ZBTB16: variants seen among roughly 807,000 people sequenced by gnomAD.
ZBTB16 encodes zinc finger and BTB domain containing 16, also known as zinc finger and BTB domain-containing protein 16.
In ZBTB16, 8 loss-of-function variants were observed where a neutral mutation model predicts 56.8. That is an observed-to-expected ratio of 0.14 (90% CI 0.08 to 0.25). The LOEUF (loss-of-function observed/expected upper bound fraction) is 0.25. Among genes scored for constraint, ZBTB16 ranks in the 10% least tolerant of loss-of-function variants. The pLI is 1.00. For synonymous variants in ZBTB16, 363 were observed against 368.5 expected (o/e 0.98, Z 0.17); for missense variants, 625 against 903.0 (o/e 0.69, Z 3.95).
intron 2 of ZBTB16, among the ~76,000 whole-genome samples, chr11:114,137,919 G>A (rs1941838697): frequency 6.6e-6 from 1 of 152,182 alleles, no homozygotes; most frequent in African/African-American, 2.4e-5. Context: ...AGTGTGGCCA[G>A]CCCCATGCTG....
chr11:114,236,921 T>C (rs984730427), intron 4 of ZBTB16, among the ~76,000 whole-genome samples: 1 of 152,224 alleles, frequency 6.6e-6, no homozygotes, highest in Non-Finnish European at 1.5e-5. Flanking sequence ...GAAGATGGTG[T>C]TGTTGGCACT....
At chr11:114,100,039 A>G (rs1291827004) in intron 2 of ZBTB16, among the ~76,000 whole-genome samples, 1 of 152,206 alleles carries the variant, frequency 6.6e-6, no homozygotes, top group Non-Finnish European at 1.5e-5. Flanking sequence ...CTTTTAGAGC[A>G]CCCCAAAGCA....
intron 4 of ZBTB16, among the ~76,000 whole-genome samples, chr11:114,193,063 C>A (rs542292): frequency 0.58 from 88,702 of 152,020 alleles, 26,362 homozygotes; most frequent in African/African-American, 0.67. Flanking sequence ...GGCACATGCC[C>A]TGTTCTTGAA....
At chr11:114,192,994 C>A (rs1343870931) in intron 4 of ZBTB16, among the ~76,000 whole-genome samples, 2 of 152,198 alleles carry the variant, frequency 1.3e-5, no homozygotes, top group African/African-American at 4.8e-5. Context: ...GGACCCCAGA[C>A]ATATGGAGCA....
Position 114,242,344 on chromosome 11 carries a change from C to T in ZBTB16, c.1624+7C>T, listed in dbSNP as rs760986589. 6.2e-7 allele frequency: 1 copy of T among 1,612,898 alleles called. No individual in the cohort carries two copies. Among genetic ancestry groups the T allele is most frequent in the South Asian group, 1.1e-5 (1 of 91,006 alleles). ...CACCTGCGCTCACATACAGGTAGGTCAGTCCAGCTGATGGGTGGATCTGGG... is the reference window on the plus strand; with the variant it reads ...CACCTGCGCTCACATACAGGTAGGTTAGTCCAGCTGATGGGTGGATCTGGG... On this transcript the variant is annotated splice_region_variant and intron_variant, in intron 5 of 6. Coordinates refer to ENST00000335953, the MANE Select transcript of ZBTB16 (RefSeq NM_006006.6).
chr11:114,158,226 C>A (rs1942477108), intron 3 of ZBTB16, among the ~76,000 whole-genome samples: 1 of 152,178 alleles, frequency 6.6e-6, no homozygotes, highest in South Asian at 2.1e-4. Context: ...TGGTGCTGGG[C>A]ACTTCTGGGG....
Position 114,245,109 on chromosome 11 carries a change from T to A in ZBTB16, c.1625-2089T>A, listed in dbSNP as rs1030894654. On this transcript the variant is annotated intron_variant, in intron 5 of 6. Transcript: ENST00000335953. ...GGTGCACACACAGACTGGCCCTTACTGTGTTAGACACACAACTAATTAGTA... is the reference window on the plus strand; with the variant it reads ...GGTGCACACACAGACTGGCCCTTACAGTGTTAGACACACAACTAATTAGTA... Among the ~76,000 whole-genome samples, 12 of 152,232 alleles carry A rather than the reference T, an allele frequency of 7.9e-5. No homozygotes were observed. In the South Asian group the frequency reaches 2.3e-3, roughly 29 times the overall value.
In ZBTB16 at chr11:114,064,390, G is replaced by C; in HGVS notation, c.1090G>C (p.Val364Leu). 1 of 1,614,102 alleles carries C rather than the reference G, an allele frequency of 6.2e-7. No individual in the cohort carries two copies. The highest frequency in any genetic ancestry group is 8.5e-7 in the Non-Finnish European group (1 of 1,180,038). Residue 364 changes from valine (V) to leucine (L), a missense_variant, in exon 2 of 7, where the codon GTC becomes CTC. By Grantham distance (32) the Val-to-Leu change is conservative. Transcript: ENST00000335953. This position sits in a 1 kb window ranked among gnomAD's most constrained non-coding sequence, Gnocchi z 4.2. ...CCTCCACGTGCAGCCTGCCCTGGCT[G>C]TCTCCATGGACTTCAGCACCTATGG... ...SGLHVQPALA[V>L]SMDFSTYGGL...
chr11:114,169,459 A>C (rs1217696410), intron 3 of ZBTB16, among the ~76,000 whole-genome samples: 2 of 152,148 alleles, frequency 1.3e-5, no homozygotes, highest in Non-Finnish European at 2.9e-5. Flanking sequence ...AATGGGAACC[A>C]GATGGTGAAG....
intron 2 of ZBTB16, among the ~76,000 whole-genome samples, chr11:114,133,602 C>G (rs898837788): frequency 2.0e-5 from 3 of 152,202 alleles, no homozygotes; most frequent in Admixed American, 1.3e-4. Flanking sequence ...CTCTCAGGTC[C>G]TCTTCCTGTG....
chr11:114,203,062 A>G lies in ZBTB16; in HGVS notation c.1453+16024A>G, dbSNP rs779157295. On this transcript the variant is annotated intron_variant, in intron 4 of 6. Coordinates refer to ENST00000335953, the MANE Select transcript of ZBTB16 (RefSeq NM_006006.6). ...AAAGGTGGAAACTACCCAATTGCCT[A>G]TCAGCTGATGCATGGATATACAAAA... Among the ~76,000 whole-genome samples the G allele has an allele frequency of 1.6e-4, 24 of 152,280 alleles. 1 individual carries two copies. The highest frequency in any genetic ancestry group is 9.2e-4 in the Admixed American group (14 of 15,300).
chr11:114,133,089 C>G (rs956366920), intron 2 of ZBTB16, among the ~76,000 whole-genome samples: 1 of 152,176 alleles, frequency 6.6e-6, no homozygotes, highest in Non-Finnish European at 1.5e-5. Context: ...ACTCACAGTG[C>G]TGGTAACCTT....
chr11:114,128,798 G>T (rs184506491), intron 2 of ZBTB16, among the ~76,000 whole-genome samples: 2 of 152,180 alleles, frequency 1.3e-5, no homozygotes, highest in Non-Finnish European at 2.9e-5. Flanking sequence ...GTGGGCACAC[G>T]TCTGTCACCT....
intron 4 of ZBTB16, among the ~76,000 whole-genome samples, chr11:114,232,794 G>T (rs1944467875): frequency 6.6e-6 from 1 of 152,190 alleles, no homozygotes; most frequent in African/African-American, 2.4e-5. Flanking sequence ...CACTGGCCAG[G>T]CCCCATTGTT....
intron 3 of ZBTB16, among the ~76,000 whole-genome samples, chr11:114,172,849 G>A (rs571294027): frequency 2.3e-4 from 35 of 152,334 alleles, no homozygotes; most frequent in Non-Finnish European, 3.7e-4. Context: ...CAGAAAAGAC[G>A]AGTTTTGTTT....
At chr11:114,135,864 C>CT (rs1310810470) in intron 2 of ZBTB16, among the ~76,000 whole-genome samples, 6 of 152,276 alleles carry the variant, frequency 3.9e-5, no homozygotes, top group Non-Finnish European at 5.9e-5. Context: ...TGCAGAAGTC[C>CT]TTTTTTATCT....
intron 2 of ZBTB16, among the ~76,000 whole-genome samples, chr11:114,098,056 G>A (rs913427026): frequency 6.6e-6 from 1 of 152,182 alleles, no homozygotes; most frequent in Non-Finnish European, 1.5e-5. Context: ...ACTGGTGGCA[G>A]ATGTAGCCAG....
At chr11:114,200,084 C>T (rs975521329) in intron 4 of ZBTB16, among the ~76,000 whole-genome samples, 6 of 150,234 alleles carry the variant, frequency 4.0e-5, no homozygotes, top group African/African-American at 7.4e-5. Flanking sequence ...GAAGAGATCA[C>T]GCCACTGCAC....
chr11:114,138,058 C>T (rs113287986), intron 2 of ZBTB16, among the ~76,000 whole-genome samples: 55 of 152,268 alleles, frequency 3.6e-4, no homozygotes, highest in African/African-American at 1.0e-3. Context: ...AAAGGGTGCA[C>T]GGGACCTGTT....
Sources: allele counts gnomAD v4.1 joint callset (sites outside exome capture counted in the v4.1 genomes callset), GRCh38; gene constraint gnomAD v4.1.1; non-coding constraint Gnocchi (gnomAD v3.1); transcripts MANE v1.5; gene names NCBI Gene and HGNC (gene_info 2026-07-23, HGNC 2026-07-21).